DGKB: variants seen among roughly 807,000 people sequenced by gnomAD.
The protein encoded by DGKB is diacylglycerol kinase beta.
A neutral mutation model predicts 114.3 loss-of-function variants in DGKB; 67 were observed. That is an observed-to-expected ratio of 0.59 (90% CI 0.48 to 0.72). The LOEUF is 0.72. Ranked by LOEUF, DGKB falls within the 30% of genes least tolerant of loss-of-function variation. The probability of loss-of-function intolerance (pLI) is 0.00; values close to 1 mark genes in which losing one functional copy is unlikely to be tolerated. For missense variants in DGKB, 907 were observed against 975.2 expected, an observed-to-expected ratio of 0.93 and a Z score of 0.93; for synonymous variants, 398 against 323.1, an observed-to-expected ratio of 1.23 and a Z score of -2.49.
At chr7:14,586,387 C>A (rs1006989130) in intron 17 of DGKB, among the ~76,000 whole-genome samples, 1 of 151,924 alleles carries the variant, frequency 6.6e-6, no homozygotes, top group African/African-American at 2.4e-5. Context: ...TGTGAGGAAG[C>A]TGAAAAATAG....
At chr7:14,335,729 G>A (rs937418219) in intron 23 of DGKB, among the ~76,000 whole-genome samples, 1 of 152,022 alleles carries the variant, frequency 6.6e-6, no homozygotes, top group African/African-American at 2.4e-5. Context: ...TACTATTGCT[G>A]CTTTGTTGTG....
intron 13 of DGKB, among the ~76,000 whole-genome samples, chr7:14,671,355 C>A (rs562348192): frequency 2.6e-5 from 4 of 152,034 alleles, no homozygotes; most frequent in African/African-American, 9.7e-5. Context: ...AGTCATCACA[C>A]GCTTCAGAGT....
intron 23 of DGKB, among the ~76,000 whole-genome samples, chr7:14,312,396 A>G (rs571506952): frequency 6.6e-6 from 1 of 152,332 alleles, no homozygotes; most frequent in Admixed American, 6.5e-5. Flanking sequence ...TGTTGTATAA[A>G]ATTGCTGGAT....
intron 21 of DGKB, among the ~76,000 whole-genome samples, chr7:14,370,438 G>A (rs573090778): frequency 4.5e-4 from 68 of 152,226 alleles, no homozygotes; most frequent in South Asian, 1.0e-3. Context: ...GAAATTTAAA[G>A]TGTTTTTTTC....
At chr7:14,706,534 C>A (rs1826268984) in intron 6 of DGKB, among the ~76,000 whole-genome samples, 1 of 144,606 alleles carries the variant, frequency 6.9e-6, no homozygotes, top group South Asian at 2.3e-4. Context: ...CACCACACCA[C>A]ACCTATTCCA....
rs1554262149 is a variant in DGKB at position 14,758,928 on chromosome 7, G to GATAGATAC, written c.71-1205_71-1198dup. 4.5e-3 allele frequency among the ~76,000 whole-genome samples: 666 copies of GATAGATAC among 146,932 alleles called. 3 individuals are homozygous for GATAGATAC. The highest frequency in any genetic ancestry group is 0.015 in the African/African-American group (582 of 39,586). ...AGATAGATAGATAGATAGATAGATA[G>GATAGATAC]ATAGATACATAGATAGATAGAGTTT... is the stretch of plus-strand genomic sequence containing the variant. On this transcript the variant is annotated intron_variant, in intron 2 of 25. Coordinates refer to ENST00000402815, the MANE Select transcript of DGKB (RefSeq NM_001350709.2).
intron 4 of DGKB, among the ~76,000 whole-genome samples, chr7:14,747,449 C>T (rs1310737788): frequency 6.6e-6 from 1 of 151,944 alleles, no homozygotes; most frequent in East Asian, 1.9e-4. Context: ...CGTCCCTTTT[C>T]TTCTCTTGTT....
intron 5 of DGKB, among the ~76,000 whole-genome samples, chr7:14,725,872 C>T (rs1249331633): frequency 6.6e-6 from 1 of 151,974 alleles, no homozygotes; most frequent in Non-Finnish European, 1.5e-5. Context: ...GAACTTTATG[C>T]TATGTATGCA....
chr7:14,918,102 T>A (rs1049331954), intron 1 of DGKB, among the ~76,000 whole-genome samples: 2 of 152,144 alleles, frequency 1.3e-5, no homozygotes, highest in Admixed American at 6.5e-5. Context: ...GAAATTCCCC[T>A]ATTTGATAAA....
At chr7:14,475,460 T>A (rs186068168) in intron 21 of DGKB, among the ~76,000 whole-genome samples, 1 of 152,270 alleles carries the variant, frequency 6.6e-6, no homozygotes, top group Admixed American at 6.5e-5. Context: ...AATCTGCAAA[T>A]GTATAGATTG....
chr7:14,909,689 C>A (rs36843), intron 1 of DGKB, among the ~76,000 whole-genome samples: 14,625 of 152,116 alleles, frequency 0.096, 991 homozygotes, highest in Middle Eastern at 0.16. Flanking sequence ...AAAAATCAGT[C>A]ACTTTATTCC....
chr7:14,588,214 C>T (rs1801105975), intron 17 of DGKB, among the ~76,000 whole-genome samples: 1 of 151,782 alleles, frequency 6.6e-6, no homozygotes, highest in South Asian at 2.1e-4. Context: ...TCCTTTTCAC[C>T]TTGTTGGTTT....
chr7:14,715,472 G>T (rs1268492133), intron 6 of DGKB, among the ~76,000 whole-genome samples: 2 of 152,060 alleles, frequency 1.3e-5, no homozygotes, highest in African/African-American at 4.8e-5. Context: ...GAGGCTGTTG[G>T]TAATTGGTAC....
intron 1 of DGKB, among the ~76,000 whole-genome samples, chr7:14,859,394 A>G (rs1052528644): frequency 2.6e-5 from 4 of 152,140 alleles, no homozygotes; most frequent in African/African-American, 9.7e-5. Flanking sequence ...TTCATTAGAT[A>G]TATTTGTTCA....
chr7:14,900,171 C>T (rs1182856760), intron 1 of DGKB, among the ~76,000 whole-genome samples: 1 of 152,126 alleles, frequency 6.6e-6, no homozygotes, highest in African/African-American at 2.4e-5. Flanking sequence ...AGTAGTTGAA[C>T]CTACTTCATA....
intron 21 of DGKB, among the ~76,000 whole-genome samples, chr7:14,380,164 T>G (rs2128678282): frequency 6.6e-6 from 1 of 152,198 alleles, no homozygotes; most frequent in South Asian, 2.1e-4. Context: ...AAAACAGTTA[T>G]CACTGCCCAG....
chr7:14,480,849 G>A (rs1424113727), intron 20 of DGKB, among the ~76,000 whole-genome samples: 3 of 152,136 alleles, frequency 2.0e-5, no homozygotes, highest in Admixed American at 2.0e-4. Flanking sequence ...AATTGGAACA[G>A]TATTCTATAT....
At chr7:14,177,554 C>CAAAAAAAAATAAAAAAAAAA (rs1781955459) in intron 24 of DGKB, among the ~76,000 whole-genome samples, 1 of 69,016 alleles carries the variant, frequency 1.4e-5, no homozygotes, top group Non-Finnish European at 2.7e-5. Context: ...AACTCCGTCT[C>CAAAAAAAAATAAAAAAAAAA]AAAAAAAAAA....
intron 23 of DGKB, among the ~76,000 whole-genome samples, chr7:14,253,098 A>T (rs1795471147): frequency 6.6e-6 from 1 of 151,342 alleles, no homozygotes. Flanking sequence ...GCAGTGGTGC[A>T]ATCTTGGCTC....
Sources: gnomAD v4.1 joint callset for allele counts (sites outside exome capture counted in the v4.1 genomes callset) on GRCh38, gnomAD v4.1.1 for gene constraint, MANE v1.5 for transcripts, NCBI Gene and HGNC (gene_info 2026-07-23, HGNC 2026-07-21) for gene names.